EYA1: variants seen among roughly 807,000 people sequenced by gnomAD.
The protein encoded by EYA1 is EYA transcriptional coactivator and phosphatase 1.
A neutral mutation model predicts 82.0 loss-of-function variants in EYA1; 16 were observed. The ratio of observed to expected loss-of-function variants is 0.20; its 90% CI spans 0.13 to 0.30. The LOEUF (loss-of-function observed/expected upper bound fraction) is 0.30, where lower values mean the gene tolerates loss of function less well. Among genes scored for constraint, EYA1 ranks in the 10% least tolerant of loss-of-function variants. The pLI is 1.00. For synonymous variants in EYA1, 261 were observed against 264.4 expected, an observed-to-expected ratio of 0.99 and a Z score of 0.12; for missense variants, 633 against 730.7, an observed-to-expected ratio of 0.87 and a Z score of 1.54.
At position 71,489,165 on chromosome 8, in the gene EYA1, G is replaced by C. The variant is rs145114961; in HGVS notation, c.33+46579C>G. Among the ~76,000 whole-genome samples, 41 of 152,290 alleles carry C rather than the reference G, an allele frequency of 2.7e-4. No homozygotes were observed. The East Asian group carries it at 7.1e-3, about 27-fold the overall frequency. ...AACTTCCTGGTGGTCAGAACAAAGA[G>C]AGGGGAAAAACACACATCGATTGGT... On this transcript the variant is annotated intron_variant, in intron 2 of 18. Coordinates refer to the EYA1 transcript ENST00000643681.
intron 2 of EYA1, among the ~76,000 whole-genome samples, chr8:71,526,121 T>C (rs1045152272): frequency 6.6e-6 from 1 of 151,884 alleles, no homozygotes; most frequent in African/African-American, 2.4e-5. Context: ...GAGGAGCAGA[T>C]AAAGATAAAT....
chr8:71,254,914 C>CTTT (rs1365759839), intron 11 of EYA1, among the ~76,000 whole-genome samples: 1 of 114,634 alleles, frequency 8.7e-6, no homozygotes, highest in East Asian at 3.0e-4. Context: ...GATGAAAAAA[C>CTTT]AACACACAAA....
At chr8:71,526,234 A>G (rs1176875180) in intron 2 of EYA1, among the ~76,000 whole-genome samples, 2 of 148,778 alleles carry the variant, frequency 1.3e-5, no homozygotes, top group Non-Finnish European at 3.0e-5. Context: ...ACATATATAT[A>G]TTAATATGTA....
At chr8:71,343,269 A>G (rs1313840017) in intron 3 of EYA1, among the ~76,000 whole-genome samples, 4 of 152,122 alleles carry the variant, frequency 2.6e-5, no homozygotes, top group African/African-American at 9.7e-5. Flanking sequence ...ATATTCCCCA[A>G]GTGCTTTCTC....
intron 2 of EYA1, among the ~76,000 whole-genome samples, chr8:71,394,919 C>T (rs1246623084): frequency 6.6e-6 from 1 of 152,130 alleles, no homozygotes; most frequent in Non-Finnish European, 1.5e-5. Flanking sequence ...TCTTCCTATC[C>T]ATGAGCGTGG....
intron 16 of EYA1, among the ~76,000 whole-genome samples, chr8:71,211,584 G>A (rs1446480388): frequency 5.3e-5 from 8 of 152,166 alleles, no homozygotes; most frequent in Admixed American, 5.2e-4. Context: ...TTTGCAGTGG[G>A]ACTTCTTTTT....
intron 3 of EYA1, among the ~76,000 whole-genome samples, chr8:71,351,795 T>G (rs1190204552): frequency 6.6e-6 from 1 of 151,802 alleles, no homozygotes; most frequent in Non-Finnish European, 1.5e-5. Flanking sequence ...GTTCTTCAGA[T>G]GAAGTTATGG....
chr8:71,317,696 C>T lies in EYA1; in HGVS notation c.419-7G>A. On this transcript the variant is annotated splice_region_variant and splice_polypyrimidine_tract_variant and intron_variant, in intron 6 of 17. Transcript: ENST00000340726. ...ATGCCTGCCCACAATGCACCTAAATCAGTTAGTGATAGCTTATCTATCTGT... is the reference window on the plus strand; with the variant it reads ...ATGCCTGCCCACAATGCACCTAAATTAGTTAGTGATAGCTTATCTATCTGT... 1 of 1,613,920 alleles carries T rather than the reference C, an allele frequency of 6.2e-7. No homozygotes were observed. The highest frequency in any genetic ancestry group is 8.5e-7 in the Non-Finnish European group (1 of 1,179,804).
At chr8:71,230,489 G>A (rs1356725256) in intron 12 of EYA1, among the ~76,000 whole-genome samples, 4 of 152,270 alleles carry the variant, frequency 2.6e-5, no homozygotes, top group East Asian at 3.9e-4. Context: ...TGCAGGCACC[G>A]GCCAGGAGCT....
rs190581537 is a variant in EYA1 at position 71,259,475 on chromosome 8, A to G, written c.1050+10265T>C. On this transcript the variant is annotated intron_variant, in intron 11 of 17. Coordinates refer to ENST00000340726, the MANE Select transcript of EYA1 (RefSeq NM_000503.6). The stretch of plus-strand genomic sequence containing the variant: ...ATAAAAGAAACACGTAAGACTCATG[A>G]AAGTCGCACAATTCAGCCTGCTGGA... Among the ~76,000 whole-genome samples, 13 of 152,346 alleles carry G rather than the reference A, an allele frequency of 8.5e-5. No homozygotes were observed. In the East Asian group the frequency reaches 1.9e-3, roughly 23 times the overall value.
At chr8:71,462,844 T>A (rs1437419058) in intron 2 of EYA1, among the ~76,000 whole-genome samples, 1 of 152,148 alleles carries the variant, frequency 6.6e-6, no homozygotes, top group Admixed American at 6.5e-5. Flanking sequence ...GCGTCTGCCA[T>A]TGCTGCTCCC....
chr8:71,546,399 T>C (rs928953808), intron 1 of EYA1, among the ~76,000 whole-genome samples: 3 of 152,170 alleles, frequency 2.0e-5, no homozygotes, highest in Non-Finnish European at 4.4e-5. Context: ...CTGAACAAAA[T>C]GGAAGAATGC....
At chr8:71,271,100 AC>A (rs1198923831) in intron 10 of EYA1, among the ~76,000 whole-genome samples, 1 of 152,122 alleles carries the variant, frequency 6.6e-6, no homozygotes, top group African/African-American at 2.4e-5. Context: ...ACAAAGCAAG[AC>A]TCCATCTTCA....
intron 9 of EYA1, among the ~76,000 whole-genome samples, chr8:71,277,736 A>G (rs1292028617): frequency 6.6e-6 from 1 of 152,216 alleles, no homozygotes; most frequent in African/African-American, 2.4e-5. Context: ...AGAGCATGGT[A>G]AGTGTCTAGA....
intron 2 of EYA1, among the ~76,000 whole-genome samples, chr8:71,402,579 G>C (rs1053704241): frequency 2.6e-5 from 4 of 152,158 alleles, no homozygotes; most frequent in African/African-American, 4.8e-5. Context: ...AGTGTATTAA[G>C]TTTGGGGTTA....
intron 3 of EYA1, among the ~76,000 whole-genome samples, chr8:71,352,845 A>C (rs1331312489): frequency 1.3e-5 from 2 of 152,210 alleles, no homozygotes; most frequent in East Asian, 1.9e-4. Flanking sequence ...CAAACCACAC[A>C]TTACTCACAC....
intron 2 of EYA1, among the ~76,000 whole-genome samples, chr8:71,391,631 T>C (rs986456771): frequency 2.0e-5 from 3 of 152,232 alleles, no homozygotes; most frequent in Non-Finnish European, 2.9e-5. Flanking sequence ...GCAATGAATC[T>C]GGCTAATTTC....
At chr8:71,521,753 C>T (rs1425145745) in intron 2 of EYA1, among the ~76,000 whole-genome samples, 1 of 152,142 alleles carries the variant, frequency 6.6e-6, no homozygotes. Flanking sequence ...CCAAGCATTT[C>T]ACAAGCATGA....
intron 2 of EYA1, among the ~76,000 whole-genome samples, chr8:71,445,165 G>C (rs1158900300): frequency 2.0e-5 from 3 of 152,062 alleles, no homozygotes; most frequent in African/African-American, 7.2e-5. Context: ...CTAGAGTTTG[G>C]CTGAGTTCAG....
Sources: gnomAD v4.1 joint callset for allele counts (sites outside exome capture counted in the v4.1 genomes callset) on GRCh38, gnomAD v4.1.1 for gene constraint, MANE v1.5 for transcripts, NCBI Gene and HGNC (gene_info 2026-07-23, HGNC 2026-07-21) for gene names.